SCARA5: variants seen among roughly 807,000 people sequenced by gnomAD.
The protein encoded by SCARA5 is scavenger receptor class A member 5.
A neutral mutation model predicts 46.3 loss-of-function variants in SCARA5; 45 were observed. That is an observed-to-expected ratio of 0.97 (90% CI 0.76 to 1.24). The LOEUF (loss-of-function observed/expected upper bound fraction) is 1.24. Among genes scored for constraint, SCARA5 ranks in the 50% most tolerant of loss-of-function variants. SCARA5 has a pLI of 0.00. For missense variants in SCARA5, 680 were observed against 689.0 expected (o/e 0.99, Z 0.15); for synonymous variants, 333 against 306.5 (o/e 1.09, Z -0.90).
chr8:27,909,899 A>T (rs1473065981), intron 4 of SCARA5, among the ~76,000 whole-genome samples, 156 bp from the exon 5 acceptor site: 2 of 152,114 alleles, frequency 1.3e-5, no homozygotes, highest in Non-Finnish European at 2.9e-5. Flanking sequence ...CTCGGGGGGC[A>T]TCAGGAAAGT....
intron 7 of SCARA5, among the ~76,000 whole-genome samples, chr8:27,891,863 G>C (rs185038207): frequency 2.0e-5 from 3 of 152,316 alleles, no homozygotes; most frequent in East Asian, 3.9e-4. Context: ...ACTCCTCCCT[G>C]CTGCAATAGT....
intron 3 of SCARA5, among the ~76,000 whole-genome samples, chr8:27,951,598 C>T (rs954952606): frequency 5.3e-5 from 8 of 152,304 alleles, no homozygotes; most frequent in African/African-American, 9.6e-5. Flanking sequence ...TGCAGAGGCC[C>T]GTCCCGTCCT....
At chr8:27,885,234 T>G (rs1806876123) in intron 7 of SCARA5, among the ~76,000 whole-genome samples, 1 of 152,076 alleles carries the variant, frequency 6.6e-6, no homozygotes, top group African/African-American at 2.4e-5. Flanking sequence ...AGGAAGGCCT[T>G]GAGTGGAGAC....
chr8:27,872,656 G>A (rs1385124178), intron 8 of SCARA5, among the ~76,000 whole-genome samples: 1 of 152,184 alleles, frequency 6.6e-6, no homozygotes, highest in Non-Finnish European at 1.5e-5. Context: ...TACACAATAA[G>A]CCCTTTGAGG....
intron 7 of SCARA5, among the ~76,000 whole-genome samples, chr8:27,903,076 GC>G (rs1432588929): frequency 1.3e-5 from 2 of 152,168 alleles, no homozygotes; most frequent in Non-Finnish European, 2.9e-5. Context: ...CAGAGAGAAA[GC>G]AGGGGCAAGT....
intron 7 of SCARA5, among the ~76,000 whole-genome samples, chr8:27,896,704 C>A (rs527693410): frequency 2.6e-5 from 4 of 152,174 alleles, no homozygotes; most frequent in Non-Finnish European, 5.9e-5. Flanking sequence ...CATATACCCC[C>A]TCCTGCCACC....
rs200443981 is a variant in SCARA5 at position 27,922,032 on chromosome 8, G to A, written c.455C>T (p.Ala152Val). The A allele has an allele frequency of 5.1e-4, 805 of 1,572,352 alleles. 5 individuals are homozygous for A. The highest frequency in any genetic ancestry group is 6.6e-4 in the East Asian group (28 of 42,620). The change falls in exon 4 of 9, where the codon GCG (alanine) becomes GTG (valine). Residue 152 changes from alanine (A) to valine (V), a missense_variant. Ala to Val is a moderately conservative substitution (Grantham distance 64). Transcript: ENST00000354914. ...CGCCTGCGCCTGCAGCCCCCACAGC[G>A]CGCCCTCCAGCCGCTGCACTGCGCC... The part of the protein sequence containing the change: ...LAGAVQRLEG[A>V]LWGLQAQAVQ...
At chr8:27,904,518 G>A (rs1013098960) in intron 7 of SCARA5, 51 of 554,700 alleles carry the variant, frequency 9.2e-5, no homozygotes, top group Non-Finnish European at 1.4e-4. Flanking sequence ...CTGGGCTAGC[G>A]AGTGACCGGG....
chr8:27,981,514 C>T lies in SCARA5; in HGVS notation c.112+5990G>A, dbSNP rs577869314. 2.6e-5 allele frequency among the ~76,000 whole-genome samples: 4 copies of T among 152,342 alleles called. No individual in the cohort carries two copies. In the East Asian group the frequency reaches 7.7e-4, roughly 29 times the overall value. On this transcript the variant is annotated intron_variant, in intron 2 of 8. Transcript: ENST00000354914. Reference sequence around the variant, plus strand: ...CTCCAGCTTCCCTGTCTCCCCTCACCCACCTCCTGCCGGGGCTCCCCCGTG... The same window carrying T: ...CTCCAGCTTCCCTGTCTCCCCTCACTCACCTCCTGCCGGGGCTCCCCCGTG...
At chr8:27,960,468 C>G (rs911254654) in intron 3 of SCARA5, among the ~76,000 whole-genome samples, 2 of 152,144 alleles carry the variant, frequency 1.3e-5, no homozygotes, top group African/African-American at 4.8e-5. Flanking sequence ...GAGCCACTGT[C>G]CCAGCCTACT....
At chr8:27,910,843 C>T (rs184504850) in intron 4 of SCARA5, among the ~76,000 whole-genome samples, 1 of 152,300 alleles carries the variant, frequency 6.6e-6, no homozygotes, top group African/African-American at 2.4e-5. Context: ...GTGGGGCTGC[C>T]CTCCAGGCTG....
chr8:27,945,155 A>T (rs987808142), intron 3 of SCARA5, among the ~76,000 whole-genome samples: 8 of 152,006 alleles, frequency 5.3e-5, no homozygotes, highest in South Asian at 4.2e-4. Flanking sequence ...GATGGGAATG[A>T]GACTGTAAAA....
rs546199897 is a variant in SCARA5, at chr8:27,984,519, T to C, written c.112+2985A>G. Among the ~76,000 whole-genome samples the C allele has an allele frequency of 2.6e-5, 4 of 152,332 alleles. No individual in the cohort carries two copies. In the South Asian group the frequency reaches 8.3e-4, roughly 32 times the overall value. On this transcript the variant is annotated intron_variant, in intron 2 of 8. Coordinates refer to ENST00000354914, the MANE Select transcript of SCARA5 (RefSeq NM_173833.6). Reference sequence around the variant, plus strand: ...ATTTATTCATTCATCTATCCATTCATTCATCCATCTATCCATTCATTCATC... The same window carrying C: ...ATTTATTCATTCATCTATCCATTCACTCATCCATCTATCCATTCATTCATC...
chr8:27,879,027 TGA>T (rs1806767076), intron 8 of SCARA5, among the ~76,000 whole-genome samples: 1 of 152,164 alleles, frequency 6.6e-6, no homozygotes, highest in South Asian at 2.1e-4. Context: ...AAGGCTGCAG[TGA>T]GCCATGATTG....
intron 2 of SCARA5, among the ~76,000 whole-genome samples, chr8:27,975,267 C>T (rs1192576870): frequency 2.0e-5 from 3 of 152,224 alleles, no homozygotes; most frequent in African/African-American, 7.2e-5. Flanking sequence ...GGAAGGTCTG[C>T]ACCCCTCCTC....
At chr8:27,941,441 T>C (rs946246447) in intron 3 of SCARA5, among the ~76,000 whole-genome samples, 1 of 152,202 alleles carries the variant, frequency 6.6e-6, no homozygotes, top group African/African-American at 2.4e-5. Context: ...GTCTACCTCA[T>C]GGGGTTGTGT....
At chr8:27,872,152 T>C (rs1806650182) in intron 8 of SCARA5, 82 bp from the exon 9 acceptor site, 1 of 1,482,260 alleles carries the variant, frequency 6.7e-7, no homozygotes, top group Non-Finnish European at 9.3e-7. Context: ...GTGCCTGCCC[T>C]TGACTTGGCT....
chr8:27,968,231 T>G (rs951729299), intron 2 of SCARA5, among the ~76,000 whole-genome samples: 8 of 152,206 alleles, frequency 5.3e-5, no homozygotes, highest in African/African-American at 1.4e-4. Context: ...ATTTTCTCAC[T>G]CATTGACTTC....
intron 7 of SCARA5, among the ~76,000 whole-genome samples, chr8:27,901,831 C>T (rs1195135057): frequency 6.6e-6 from 1 of 152,232 alleles, no homozygotes; most frequent in Non-Finnish European, 1.5e-5. Context: ...TACCCAAGAC[C>T]AGGGGCCGAA....
Sources: allele counts gnomAD v4.1 joint callset (sites outside exome capture counted in the v4.1 genomes callset), GRCh38; gene constraint gnomAD v4.1.1; transcripts MANE v1.5; gene names NCBI Gene and HGNC (gene_info 2026-07-23, HGNC 2026-07-21).